AGMO: variants seen among roughly 807,000 people sequenced by gnomAD.
AGMO encodes the protein glyceryl-ether monooxygenase.
Under a neutral mutation model 60.2 loss-of-function variants are expected in AGMO, and 75 were observed. That is an observed-to-expected ratio of 1.25 (90% CI 1.03 to 1.51). AGMO has a LOEUF of 1.51. AGMO is among the 40% of genes most tolerant of loss of function. The pLI, the probability that AGMO is intolerant of heterozygous loss-of-function variation, is 0.00. For missense variants in AGMO, 763 were observed against 525.5 expected (o/e 1.45, Z -4.42); for synonymous variants, 261 against 177.1 (o/e 1.47, Z -3.76).
the AGMO span, among the ~76,000 whole-genome samples, chr7:15,194,375 T>TA: frequency 0.057 from 8,611 of 151,092 alleles, 330 homozygotes; most frequent in Middle Eastern, 0.09. Context: ...TAAGTAAAAT[T>TA]AAAAAAAAAG....
At chr7:15,226,984 A>G (rs2128498400) in intron 12 of AGMO, among the ~76,000 whole-genome samples, 1 of 152,216 alleles carries the variant, frequency 6.6e-6, no homozygotes, top group Non-Finnish European at 1.5e-5. Context: ...TGGTTAGGGA[A>G]GAATGTTGCG....
chr7:15,493,088 T>C (rs955837864), intron 3 of AGMO, among the ~76,000 whole-genome samples: 2 of 152,146 alleles, frequency 1.3e-5, no homozygotes, highest in African/African-American at 4.8e-5. Flanking sequence ...GTAAACATTT[T>C]AAGGCTATAG....
intron 10 of AGMO, among the ~76,000 whole-genome samples, chr7:15,371,376 G>C (rs79606913): frequency 6.6e-6 from 1 of 150,526 alleles, no homozygotes; most frequent in Admixed American, 6.6e-5. Context: ...ACATGCTACC[G>C]TGCGCACAGC....
intron 6 of AGMO, among the ~76,000 whole-genome samples, chr7:15,392,830 A>C (rs1784206522): frequency 1.7e-5 from 2 of 115,160 alleles, no homozygotes; most frequent in South Asian, 6.1e-4. Flanking sequence ...AAACAAACAA[A>C]CAACTTTAAA....
the AGMO span, among the ~76,000 whole-genome samples, chr7:15,134,025 C>A: frequency 6.6e-6 from 1 of 152,106 alleles, no homozygotes; most frequent in Admixed American, 6.5e-5. Context: ...AGTTTGAGAA[C>A]ACAATTTCTT....
chr7:15,334,144 A>G (rs1311812072), intron 12 of AGMO, among the ~76,000 whole-genome samples: 1 of 152,070 alleles, frequency 6.6e-6, no homozygotes, highest in East Asian at 1.9e-4. Context: ...CAAAGGCTTT[A>G]AAAGTCACAA....
rs188112339 is a variant in AGMO at position 15,289,700 on chromosome 7, C to T, written c.1263+75814G>A. On this transcript the variant is annotated intron_variant, in intron 12 of 12. Transcript: ENST00000342526. Reference sequence around the variant, plus strand: ...AAAATAACGTGTCTAAGGAGTAATTCAAAGAAAGAGGTAAATACTGAATTA... The same window carrying T: ...AAAATAACGTGTCTAAGGAGTAATTTAAAGAAAGAGGTAAATACTGAATTA... Among the ~76,000 whole-genome samples the T allele has an allele frequency of 4.3e-3, 652 of 152,074 alleles. 4 individuals carry two copies. Among genetic ancestry groups the T allele is most frequent in the African/African-American group, 0.015 (623 of 41,500 alleles).
At chr7:15,437,818 G>A (rs1781443648) in intron 3 of AGMO, among the ~76,000 whole-genome samples, 1 of 152,154 alleles carries the variant, frequency 6.6e-6, no homozygotes, top group Non-Finnish European at 1.5e-5. Context: ...GAGATTACAG[G>A]CGTGAGCCAC....
At chr7:15,192,724 G>T in the AGMO span, among the ~76,000 whole-genome samples, 4 of 152,066 alleles carry the variant, frequency 2.6e-5, no homozygotes, top group Non-Finnish European at 4.4e-5. Context: ...CGCTACTGTG[G>T]TTCCAGCGCC....
chr7:15,369,036 T>TA (rs879456541), intron 10 of AGMO, among the ~76,000 whole-genome samples: 2 of 152,138 alleles, frequency 1.3e-5, no homozygotes, highest in Non-Finnish European at 2.9e-5. Flanking sequence ...CTCCTAGCCT[T>TA]CTGTTACTGA....
At chr7:15,119,077 A>C in the AGMO span, among the ~76,000 whole-genome samples, 1 of 151,186 alleles carries the variant, frequency 6.6e-6, no homozygotes, top group Non-Finnish European at 1.5e-5. Context: ...GATTCCTCCC[A>C]CCTGCTCTGA....
At chr7:15,554,264 A>G (rs2115304234) in intron 2 of AGMO, among the ~76,000 whole-genome samples, 1 of 152,102 alleles carries the variant, frequency 6.6e-6, no homozygotes, top group Non-Finnish European at 1.5e-5. Flanking sequence ...TGGAATTTAA[A>G]CTGTCTAAAC....
chr7:15,411,808 C>A (rs1026736697), intron 5 of AGMO, among the ~76,000 whole-genome samples: 5 of 151,602 alleles, frequency 3.3e-5, no homozygotes, highest in Admixed American at 2.6e-4. Context: ...GTATTTTTTT[C>A]TTTCTTGATG....
chr7:15,268,134 T>C (rs1339610498), intron 12 of AGMO, among the ~76,000 whole-genome samples: 1 of 151,994 alleles, frequency 6.6e-6, no homozygotes, highest in African/African-American at 2.4e-5. Context: ...TGAATCATAT[T>C]AGGTTCCCTT....
intron 12 of AGMO, among the ~76,000 whole-genome samples, chr7:15,253,931 A>G (rs1461885479): frequency 6.6e-6 from 1 of 152,058 alleles, no homozygotes; most frequent in Admixed American, 6.5e-5. Context: ...ACTCCATGTA[A>G]GAGTAAGATT....
intron 1 of AGMO, 137 bp downstream of exon 1, chr7:15,561,583 C>T: frequency 2.2e-6 from 2 of 926,910 alleles, no homozygotes; most frequent in Non-Finnish European, 2.9e-6. Context: ...TGCTTCACGC[C>T]TTTAAGAAAC....
chr7:15,527,358 A>G (rs1338199876), intron 3 of AGMO, among the ~76,000 whole-genome samples: 1 of 152,214 alleles, frequency 6.6e-6, no homozygotes, highest in Non-Finnish European at 1.5e-5. Context: ...AGTGTTCTGG[A>G]TAGAAGATCA....
chr7:15,431,535 G>A (rs980209401), intron 3 of AGMO, among the ~76,000 whole-genome samples: 2 of 151,592 alleles, frequency 1.3e-5, no homozygotes, highest in African/African-American at 4.8e-5. Flanking sequence ...GGGAGAAATT[G>A]GTATGGAAAT....
chr7:15,120,016 C>A, the AGMO span, among the ~76,000 whole-genome samples: 1 of 151,150 alleles, frequency 6.6e-6, no homozygotes, highest in African/African-American at 2.4e-5. Flanking sequence ...ATCTTTCCAA[C>A]AATTCACACC....
Sources: gnomAD v4.1 joint callset for allele counts (sites outside exome capture counted in the v4.1 genomes callset) on GRCh38, gnomAD v4.1.1 for gene constraint, MANE v1.5 for transcripts, NCBI Gene and HGNC (gene_info 2026-07-23, HGNC 2026-07-21) for gene names.